Variants in ETV1 observed in about 807,000 individuals in gnomAD.
ETV1 encodes ETS translocation variant 1.
In ETV1, 27 loss-of-function variants were observed where a neutral mutation model predicts 62.3. The ratio of observed to expected loss-of-function variants is 0.43; its 90% CI spans 0.32 to 0.60. The LOEUF is 0.60. ETV1 is among the 20% of genes least tolerant of loss of function. ETV1 has a pLI of 0.06. For synonymous variants in ETV1, 222 were observed against 199.6 expected, an observed-to-expected ratio of 1.11 and a Z score of -0.94; for missense variants, 605 against 605.8, an observed-to-expected ratio of 1.00 and a Z score of 0.01.
intron 6 of ETV1, among the ~76,000 whole-genome samples, chr7:13,974,201 C>T (rs1190022054): frequency 6.6e-6 from 1 of 152,116 alleles, no homozygotes; most frequent in African/African-American, 2.4e-5. Context: ...ATAGGAGGTT[C>T]ACCAGATTGC....
intron 9 of ETV1, among the ~76,000 whole-genome samples, chr7:13,921,786 G>A (rs1583638915): frequency 6.6e-6 from 1 of 152,098 alleles, no homozygotes; most frequent in South Asian, 2.1e-4. Flanking sequence ...GGTGGGAGAT[G>A]AACCCACCAT....
At chr7:13,957,457 G>A (rs531085751) in intron 6 of ETV1, among the ~76,000 whole-genome samples, 2 of 152,252 alleles carry the variant, frequency 1.3e-5, no homozygotes, top group East Asian at 3.9e-4. Flanking sequence ...GTTTGCTCTA[G>A]ATCACAAATC....
chr7:13,923,076 T>G (rs1785035794), intron 9 of ETV1, among the ~76,000 whole-genome samples: 1 of 152,220 alleles, frequency 6.6e-6, no homozygotes, highest in African/African-American at 2.4e-5. Context: ...CCTCTGAATG[T>G]TGTTATTTTT....
At chr7:13,942,313 G>A (rs994307005) in intron 6 of ETV1, among the ~76,000 whole-genome samples, 1 of 151,872 alleles carries the variant, frequency 6.6e-6, no homozygotes, top group South Asian at 2.1e-4. Context: ...ATGAGCCACC[G>A]TGCCCGGCCT....
chr7:13,955,264 GAAAGTATTTCACCC>G (rs1789285197), intron 6 of ETV1, among the ~76,000 whole-genome samples: 1 of 152,072 alleles, frequency 6.6e-6, no homozygotes, highest in Non-Finnish European at 1.5e-5. Context: ...AGCTTCTACC[GAAAGTATTTCACCC>G]AACTTGAAAA....
intron 6 of ETV1, among the ~76,000 whole-genome samples, chr7:13,957,664 C>G (rs140442933): frequency 6.6e-6 from 1 of 152,282 alleles, no homozygotes; most frequent in East Asian, 1.9e-4. Context: ...TCTGCCAAAG[C>G]GTCTGCTGTA....
At chr7:13,957,033 C>G (rs1789545347) in intron 6 of ETV1, among the ~76,000 whole-genome samples, 1 of 152,024 alleles carries the variant, frequency 6.6e-6, no homozygotes. Context: ...AAACGTCAAA[C>G]TATATTTACT....
In ETV1 at chr7:13,975,778, G is replaced by C. The variant is rs569421799; in HGVS notation, c.235+1649C>G. The stretch of plus-strand genomic sequence containing the variant: ...TTCAAAGAGACTAAATATTCAATAA[G>C]AAAAGCTGAAAAGAGGTCAAATAAG... On this transcript the variant is annotated intron_variant, in intron 6 of 13. Coordinates refer to ENST00000430479, the MANE Select transcript of ETV1 (RefSeq NM_004956.5). Among the ~76,000 whole-genome samples the C allele has an allele frequency of 3.9e-5, 6 of 152,030 alleles. No homozygotes were observed. The South Asian group carries it at 1.2e-3, about 32-fold the overall frequency.
At chr7:13,918,652 C>T (rs1421771180) in intron 9 of ETV1, among the ~76,000 whole-genome samples, 1 of 151,324 alleles carries the variant, frequency 6.6e-6, no homozygotes, top group Admixed American at 6.6e-5. Flanking sequence ...CATATTCTCA[C>T]TCATAGGTGG....
intron 12 of ETV1, chr7:13,906,096 G>C (rs1156245762): frequency 5.3e-6 from 1 of 189,340 alleles, no homozygotes; most frequent in Admixed American, 6.1e-5. Context: ...TCTCTCCTAA[G>C]GACCATAAAA....
rs545749636 is a variant in ETV1, at chr7:13,935,785, C to T, written c.477G>A (p.Pro159=). 19 of 1,613,744 alleles carry T rather than the reference C, an allele frequency of 1.2e-5. No individual in the cohort carries two copies. Among genetic ancestry groups the T allele is most frequent in the African/African-American group, 6.7e-5 (5 of 74,962 alleles). Residue 159 remains proline, a synonymous_variant, in exon 8 of 14, where the codon CCG becomes CCA. Transcript: ENST00000430479. Reference sequence around the variant, plus strand: ...GAGCTGGGAAGGCCCGGTCAGGTTTCGGTGTATGAGTTGAGTTTGGAGATG... The same window carrying T: ...GAGCTGGGAAGGCCCGGTCAGGTTTTGGTGTATGAGTTGAGTTTGGAGATG... ...HHASPNSTHT[P]KPDRAFPAHL...
chr7:13,955,483 A>C (rs1020159022), intron 6 of ETV1, among the ~76,000 whole-genome samples: 4 of 152,134 alleles, frequency 2.6e-5, no homozygotes, highest in African/African-American at 9.7e-5. Flanking sequence ...AGAATAATGA[A>C]CTCTAAGAGT....
At position 13,945,462 on chromosome 7, in the gene ETV1, A is replaced by G. The variant is rs573266900; in HGVS notation, c.236-6216T>C. 5.3e-5 allele frequency among the ~76,000 whole-genome samples: 8 copies of G among 151,560 alleles called. No individual in the cohort carries two copies. In the East Asian group the frequency reaches 1.6e-3, roughly 30 times the overall value. On this transcript the variant is annotated intron_variant, in intron 6 of 13. Coordinates refer to ENST00000430479, the MANE Select transcript of ETV1 (RefSeq NM_004956.5). ...AAACTGATTTTTTTTTTTTCTAATC[A>G]TAAGCCAAATAAGTAATCCAATGAA...
intron 9 of ETV1, among the ~76,000 whole-genome samples, chr7:13,926,437 G>A (rs781427347): frequency 6.6e-6 from 1 of 152,092 alleles, no homozygotes; most frequent in Non-Finnish European, 1.5e-5. Context: ...AAATATTTGC[G>A]TCACTGGACA....
chr7:13,988,615 AAT>A, intron 3 of ETV1: 1 of 1,320,218 alleles, frequency 7.6e-7, no homozygotes, highest in Non-Finnish European at 9.7e-7. Context: ...AAAAAGAGAA[AAT>A]GAGAAAAAAA....
chr7:13,941,420 A>G (rs879340706), intron 6 of ETV1, among the ~76,000 whole-genome samples: 2 of 152,198 alleles, frequency 1.3e-5, no homozygotes, highest in Admixed American at 1.3e-4. Context: ...TGTATGAGGA[A>G]AGTGATGAAT....
chr7:13,970,192 C>T (rs1009464958), intron 6 of ETV1, among the ~76,000 whole-genome samples: 2 of 150,608 alleles, frequency 1.3e-5, no homozygotes, highest in Non-Finnish European at 3.0e-5. Flanking sequence ...ACCCGGGAGG[C>T]GGAGCTTGCA....
chr7:13,956,278 TTA>T (rs1418555375), intron 6 of ETV1, among the ~76,000 whole-genome samples: 2 of 152,184 alleles, frequency 1.3e-5, no homozygotes, highest in African/African-American at 2.4e-5. Context: ...TTGTTACACT[TTA>T]TAGAGTTGTT....
At chr7:13,940,234 T>A (rs1583714788) in intron 6 of ETV1, among the ~76,000 whole-genome samples, 1 of 151,940 alleles carries the variant, frequency 6.6e-6, no homozygotes, top group South Asian at 2.1e-4. Flanking sequence ...TGATGGCAGG[T>A]GCTTGTAATC....
Sources: allele counts gnomAD v4.1 joint callset (sites outside exome capture counted in the v4.1 genomes callset), GRCh38; gene constraint gnomAD v4.1.1; transcripts MANE v1.5; gene names NCBI Gene and HGNC (gene_info 2026-07-23, HGNC 2026-07-21).